ATP13A4: variants seen among roughly 807,000 people sequenced by gnomAD.
ATP13A4 encodes ATPase 13A4.
ATP13A4 carries 114 observed loss-of-function variants against 142.5 expected under a neutral mutation model. The ratio of observed to expected loss-of-function variants is 0.80; its 90% CI spans 0.69 to 0.93. The LOEUF (loss-of-function observed/expected upper bound fraction) is 0.93. Among genes scored for constraint, ATP13A4 ranks in the 40% least tolerant of loss-of-function variants. The pLI is 0.00. For synonymous variants in ATP13A4, 488 were observed against 514.8 expected, an observed-to-expected ratio of 0.95 and a Z score of 0.70; for missense variants, 1,392 against 1,454.0, an observed-to-expected ratio of 0.96 and a Z score of 0.69.
At chr3:193,576,249 CTTTTTTTTTTTTTTTTTTT>C (rs59910562) in intron 2 of ATP13A4, among the ~76,000 whole-genome samples, 5 of 54,364 alleles carry the variant, frequency 9.2e-5, no homozygotes, top group African/African-American at 3.5e-4. Context: ...TTGAATCAAT[CTTTTTTTTTTTTTTTTTTT>C]TTTTTTTTTT....
intron 1 of ATP13A4, among the ~76,000 whole-genome samples, chr3:193,591,426 A>C (rs1159894201): frequency 6.6e-6 from 1 of 152,262 alleles, no homozygotes; most frequent in East Asian, 1.9e-4. Context: ...CAATGGTTGC[A>C]GTTTATTATA....
chr3:193,579,095 T>C, intron 2 of ATP13A4: 1 of 171,292 alleles, frequency 5.8e-6, no homozygotes, highest in Non-Finnish European at 1.3e-5. Context: ...ACAGCCCACC[T>C]GATATGTCCC....
At position 193,440,642 on chromosome 3, in the gene ATP13A4, A is replaced by T. The variant is rs370211894; in HGVS notation, c.2440-5T>A. ...GATGGTCCCATTGATCAATATCTGT[A>T]AGGAACCCAAAATGGAGATTTTTTT... is the stretch of plus-strand genomic sequence containing the variant. On this transcript the variant is annotated splice_polypyrimidine_tract_variant and splice_region_variant and intron_variant, in intron 20 of 29. Transcript: ENST00000342695. 1.6e-5 allele frequency: 26 copies of T among 1,613,620 alleles called. No homozygotes were observed. The highest frequency in any genetic ancestry group is 1.6e-4 in the African/African-American group (12 of 74,912).
At position 193,514,012 on chromosome 3, in the gene ATP13A4, C is replaced by T. The variant is rs959553165; in HGVS notation, c.234+686G>A. Among the ~76,000 whole-genome samples, 21 of 152,194 alleles carry T rather than the reference C, an allele frequency of 1.4e-4. No individual in the cohort carries two copies. In the South Asian group the frequency reaches 2.1e-3, roughly 15 times the overall value. Reference sequence around the variant, plus strand: ...TGGTTGTTCCCTGCTCTAGCATTCACGAAACTCACAACTTTAAAAGAAATA... The same window carrying T: ...TGGTTGTTCCCTGCTCTAGCATTCATGAAACTCACAACTTTAAAAGAAATA... On this transcript the variant is annotated intron_variant, in intron 2 of 29. Transcript: ENST00000342695.
At chr3:193,411,136 C>A (rs550961390) in intron 27 of ATP13A4, 66 bp from the exon 28 acceptor site, 1 of 1,028,230 alleles carries the variant, frequency 9.7e-7, no homozygotes, top group Non-Finnish European at 1.5e-6. Flanking sequence ...CATATATTGA[C>A]GGATGTATTC....
intron 8 of ATP13A4, among the ~76,000 whole-genome samples, chr3:193,479,091 C>A (rs938128758): frequency 2.6e-5 from 4 of 152,050 alleles, no homozygotes; most frequent in African/African-American, 9.7e-5. Flanking sequence ...AAACCCTCAG[C>A]AAAATTGGCA....
chr3:193,592,298 G>A (rs757084665), intron 1 of ATP13A4, among the ~76,000 whole-genome samples: 17 of 152,284 alleles, frequency 1.1e-4, no homozygotes, highest in Admixed American at 3.9e-4. Flanking sequence ...AAAGGTTTGT[G>A]TTGGAAGGGG....
At chr3:193,452,458 T>G (rs984854295) in intron 17 of ATP13A4, among the ~76,000 whole-genome samples, 1 of 151,878 alleles carries the variant, frequency 6.6e-6, no homozygotes, top group Non-Finnish European at 1.5e-5. Flanking sequence ...ACAAACACAA[T>G]GAGCCACTTC....
chr3:193,531,310 GGAA>G (rs1289062081), intron 1 of ATP13A4, among the ~76,000 whole-genome samples: 3 of 113,422 alleles, frequency 2.6e-5, no homozygotes, highest in African/African-American at 6.6e-5. Context: ...AAGGAAGGAA[GGAA>G]GGAAGGAAGG....
chr3:193,468,578 T>C (rs1160362444), intron 9 of ATP13A4, among the ~76,000 whole-genome samples: 1 of 152,044 alleles, frequency 6.6e-6, no homozygotes. Flanking sequence ...TAAAACCCTG[T>C]CTTTTCTAAA....
intron 25 of ATP13A4, among the ~76,000 whole-genome samples, chr3:193,425,434 A>G (rs962086624): frequency 1.3e-5 from 2 of 151,940 alleles, no homozygotes; most frequent in South Asian, 2.1e-4. Context: ...AGCCCTATTC[A>G]TAATAGCCAA....
At chr3:193,570,361 T>G (rs1360559457) in intron 2 of ATP13A4, among the ~76,000 whole-genome samples, 1 of 152,228 alleles carries the variant, frequency 6.6e-6, no homozygotes, top group African/African-American at 2.4e-5. Context: ...AATATATGCC[T>G]AAATTGTTGT....
In ATP13A4 at chr3:193,408,774, T is replaced by A. The variant is rs577523049; in HGVS notation, c.3298-1381A>T. On this transcript the variant is annotated intron_variant, in intron 28 of 29. Transcript: ENST00000342695. The stretch of plus-strand genomic sequence containing the variant: ...GTACTGCAGTCTGAGATGCTACACA[T>A]CTAGCCCTCCTTCTTCCCTCCCTTC... Among the ~76,000 whole-genome samples, 50 of 152,192 alleles carry A rather than the reference T, an allele frequency of 3.3e-4. No individual in the cohort carries two copies. In the South Asian group the frequency reaches 1.0e-2, roughly 30 times the overall value.
intron 11 of ATP13A4, 96 bp downstream of exon 11, chr3:193,465,929 T>G (rs917919272): frequency 2.0e-6 from 3 of 1,514,246 alleles, no homozygotes; most frequent in Non-Finnish European, 2.7e-6. Flanking sequence ...TTTCCCAGGT[T>G]TGTAAACCAC....
chr3:193,502,436 T>C (rs1279071014), intron 3 of ATP13A4, 57 bp downstream of exon 3: 61 of 1,572,816 alleles, frequency 3.9e-5, no homozygotes, highest in Non-Finnish European at 5.0e-5. Context: ...AACTATATAC[T>C]TGAGGGGAAA....
Position 193,582,542 on chromosome 3 carries a change from ATATAT to A in ATP13A4, n.92-641_92-637del, listed in dbSNP as rs1337980142. Among the ~76,000 whole-genome samples the A allele has an allele frequency of 1.8e-3, 240 of 132,390 alleles. 9 individuals are homozygous for A. Among genetic ancestry groups the A allele is most frequent in the Admixed American group, 0.014 (177 of 12,336 alleles). 86.9% of individuals were successfully genotyped at this position (132,390 alleles called of 152,430 possible). A position where few individuals can be genotyped will look rare whatever the true frequency, so the allele number is the denominator to read the frequency against. ...ATATATGTACATTATATATTATTACATATATTATATGTATTATATATAATACATAT... is the reference window on the plus strand; with the variant it reads ...ATATATGTACATTATATATTATTACATATATGTATTATATATAATACATAT... On this transcript the variant is annotated intron_variant and non_coding_transcript_variant, in intron 1 of 3. Transcript: ENST00000489140.
chr3:193,493,397 T>A (rs1386265339), intron 3 of ATP13A4, among the ~76,000 whole-genome samples: 1 of 152,116 alleles, frequency 6.6e-6, no homozygotes, highest in Non-Finnish European at 1.5e-5. Context: ...AAAATATATA[T>A]GAATAAAACT....
chr3:193,450,641 T>G (rs1717220063), intron 17 of ATP13A4, among the ~76,000 whole-genome samples: 1 of 152,176 alleles, frequency 6.6e-6, no homozygotes, highest in Non-Finnish European at 1.5e-5. Context: ...ATTGAGGGCT[T>G]ATAGGGTAAA....
intron 1 of ATP13A4, among the ~76,000 whole-genome samples, chr3:193,530,635 CCT>C (rs1014277363): frequency 4.6e-5 from 7 of 152,200 alleles, no homozygotes; most frequent in African/African-American, 1.4e-4. Context: ...TTCAGTTCCA[CCT>C]CTCTCTGAGG....
Sources: allele counts gnomAD v4.1 joint callset (sites outside exome capture counted in the v4.1 genomes callset), GRCh38; gene constraint gnomAD v4.1.1; transcripts MANE v1.5; gene names NCBI Gene and HGNC (gene_info 2026-07-23, HGNC 2026-07-21).